PGM5: variants seen among roughly 807,000 people sequenced by gnomAD.
PGM5 encodes the protein phosphoglucomutase-like protein 5.
A neutral mutation model predicts 59.2 loss-of-function variants in PGM5; 23 were observed. The observed-to-expected ratio is 0.39, with a 90% CI of 0.28 to 0.55. The LOEUF (loss-of-function observed/expected upper bound fraction) is 0.55, where lower values mean the gene tolerates loss of function less well. Ranked by LOEUF, PGM5 falls within the 20% of genes least tolerant of loss-of-function variation. The pLI is 0.66. For missense variants in PGM5, 574 were observed against 748.3 expected, an observed-to-expected ratio of 0.77 and a Z score of 2.72; for synonymous variants, 214 against 286.0, an observed-to-expected ratio of 0.75 and a Z score of 2.54.
chr9:68,516,377 C>T (rs942437034), intron 10 of PGM5, among the ~76,000 whole-genome samples: 4 of 152,180 alleles, frequency 2.6e-5, no homozygotes, highest in Admixed American at 6.5e-5. Context: ...CTCCTATTCC[C>T]TTTTATGTCC....
intron 6 of PGM5, among the ~76,000 whole-genome samples, chr9:68,443,768 A>G (rs1411838691): frequency 6.6e-6 from 1 of 152,260 alleles, no homozygotes. Flanking sequence ...AAATATTTGT[A>G]TAGCTTTGTA....
intron 10 of PGM5, among the ~76,000 whole-genome samples, chr9:68,524,637 T>C (rs1824945462): frequency 6.6e-6 from 1 of 152,174 alleles, no homozygotes; most frequent in South Asian, 2.1e-4. Flanking sequence ...GTCTGCCTGG[T>C]TTTGGTCAGG....
chr9:68,465,461 A>C lies in PGM5; in HGVS notation c.1159+253A>C, dbSNP rs529944648. Among the ~76,000 whole-genome samples, 3 of 152,284 alleles carry C rather than the reference A, an allele frequency of 2.0e-5. No individual in the cohort carries two copies. The East Asian group carries it at 5.8e-4, about 29-fold the overall frequency. On this transcript the variant is annotated intron_variant, in intron 7 of 10. Coordinates refer to ENST00000396396, the MANE Select transcript of PGM5 (RefSeq NM_021965.4). ...TTTAAAGTGTATAAGAGTAGAGAGAATATCGCATTGAATCCCCATGTTACT... is the reference window on the plus strand; with the variant it reads ...TTTAAAGTGTATAAGAGTAGAGAGACTATCGCATTGAATCCCCATGTTACT...
chr9:68,376,658 C>T (rs1411635816), intron 1 of PGM5, among the ~76,000 whole-genome samples: 2 of 151,988 alleles, frequency 1.3e-5, no homozygotes, highest in Admixed American at 6.6e-5. Context: ...TTTGGCTTGT[C>T]GGTTATATCA....
intron 6 of PGM5, among the ~76,000 whole-genome samples, chr9:68,448,957 G>A (rs981972852): frequency 1.3e-4 from 20 of 152,212 alleles, no homozygotes; most frequent in Non-Finnish European, 1.5e-5. Flanking sequence ...ACCATAGACT[G>A]AGTGGCTTAT....
At chr9:68,523,204 T>C (rs1396192002) in intron 10 of PGM5, among the ~76,000 whole-genome samples, 5 of 152,152 alleles carry the variant, frequency 3.3e-5, no homozygotes, top group Admixed American at 6.5e-5. Context: ...AGTGGGATCA[T>C]GTGATGCAAA....
chr9:68,474,737 A>G (rs1824077150), intron 7 of PGM5, among the ~76,000 whole-genome samples: 1 of 151,478 alleles, frequency 6.6e-6, no homozygotes, highest in Non-Finnish European at 1.5e-5. Context: ...AGGCAAGGTG[A>G]GTGGTACTTA....
chr9:68,416,403 C>T (rs1424040739), intron 6 of PGM5, among the ~76,000 whole-genome samples: 2 of 152,134 alleles, frequency 1.3e-5, no homozygotes, highest in African/African-American at 2.4e-5. Flanking sequence ...GTTTCAGTTG[C>T]CTACTGTGGT....
intron 2 of PGM5, among the ~76,000 whole-genome samples, chr9:68,380,774 T>TA (rs1475672985): frequency 6.6e-6 from 1 of 151,748 alleles, no homozygotes; most frequent in Non-Finnish European, 1.5e-5. Context: ...ACCTCAGAAA[T>TA]AAAAATGGTC....
At chr9:68,510,287 G>T (rs1275150040) in intron 10 of PGM5, among the ~76,000 whole-genome samples, 1 of 151,520 alleles carries the variant, frequency 6.6e-6, no homozygotes, top group Non-Finnish European at 1.5e-5. Context: ...AAGTAGCTGG[G>T]ACTACACGCA....
At chr9:68,407,720 A>G (rs1822848260) in intron 6 of PGM5, among the ~76,000 whole-genome samples, 1 of 152,202 alleles carries the variant, frequency 6.6e-6, no homozygotes, top group Non-Finnish European at 1.5e-5. Flanking sequence ...ATCCCATTAA[A>G]ACATATAATG....
chr9:68,445,338 G>C (rs1823594520), intron 6 of PGM5, among the ~76,000 whole-genome samples: 1 of 152,158 alleles, frequency 6.6e-6, no homozygotes, highest in Non-Finnish European at 1.5e-5. Context: ...CAATGCAGGT[G>C]ATCAAAGCTA....
chr9:68,484,570 AC>A (rs1824261327), intron 9 of PGM5, among the ~76,000 whole-genome samples: 3 of 149,894 alleles, frequency 2.0e-5, no homozygotes, highest in Admixed American at 2.0e-4. Flanking sequence ...ACACACACAC[AC>A]ACACACAAAA....
intron 2 of PGM5, among the ~76,000 whole-genome samples, chr9:68,381,621 T>C (rs1822073928): frequency 6.8e-6 from 1 of 147,224 alleles, no homozygotes; most frequent in South Asian, 2.1e-4. Flanking sequence ...ATATAGAGAA[T>C]TCTAAAGATT....
intron 6 of PGM5, chr9:68,405,823 C>G (rs1263286934): frequency 7.1e-6 from 1 of 141,268 alleles, no homozygotes; most frequent in Non-Finnish European, 1.5e-5. Flanking sequence ...ATCTTCCCTT[C>G]CATGTTCCCT....
At chr9:68,366,999 T>A (rs1230489606) in intron 1 of PGM5, among the ~76,000 whole-genome samples, 1 of 152,104 alleles carries the variant, frequency 6.6e-6, no homozygotes, top group Non-Finnish European at 1.5e-5. Context: ...TCCTCTTGAC[T>A]TTTGGCATTT....
chr9:68,514,488 G>C (rs1358200459), intron 10 of PGM5, among the ~76,000 whole-genome samples: 1 of 151,966 alleles, frequency 6.6e-6, no homozygotes, highest in African/African-American at 2.4e-5. Context: ...TGTAATCCCA[G>C]CTACTCAGGA....
chr9:68,367,834 TTTAA>T (rs1179877239), intron 1 of PGM5, among the ~76,000 whole-genome samples: 2 of 150,902 alleles, frequency 1.3e-5, no homozygotes, highest in African/African-American at 4.9e-5. Context: ...ACACATGTAT[TTTAA>T]TTAATTGTGA....
At chr9:68,503,914 G>A (rs1413183617) in intron 10 of PGM5, among the ~76,000 whole-genome samples, 5 of 152,150 alleles carry the variant, frequency 3.3e-5, no homozygotes, top group African/African-American at 9.7e-5. Flanking sequence ...CTAATTACCG[G>A]CCAATCACCT....
Sources: allele counts gnomAD v4.1 joint callset (sites outside exome capture counted in the v4.1 genomes callset), GRCh38; gene constraint gnomAD v4.1.1; transcripts MANE v1.5; gene names NCBI Gene and HGNC (gene_info 2026-07-23, HGNC 2026-07-21).